Variants in GNPAT observed in about 807,000 individuals in gnomAD.
GNPAT encodes dihydroxyacetone phosphate acyltransferase.
A neutral mutation model predicts 78.4 loss-of-function variants in GNPAT; 30 were observed. The ratio of observed to expected loss-of-function variants is 0.38; its 90% CI spans 0.29 to 0.52. The LOEUF is 0.52. GNPAT is among the 20% of genes least tolerant of loss of function. The pLI, the probability that GNPAT is intolerant of heterozygous loss-of-function variation, is 0.84. For missense variants in GNPAT, 714 were observed against 812.2 expected (o/e 0.88, Z 1.47); for synonymous variants, 271 against 281.1 (o/e 0.96, Z 0.36).
At chr1:231,249,456 T>G (rs1450077393) in intron 1 of GNPAT, among the ~76,000 whole-genome samples, 1 of 152,248 alleles carries the variant, frequency 6.6e-6, no homozygotes, top group African/African-American at 2.4e-5. Context: ...CATTTCATCT[T>G]TCAGTTATTG....
Position 231,259,181 on chromosome 1 carries a change from A to G in GNPAT, c.262-1326A>G, listed in dbSNP as rs142888710. ...ACTTTTTTTTTTTTTTGGCACAATCACTGTTTCAGGTAACCTGAGTAAAAC... is the reference window on the plus strand; with the variant it reads ...ACTTTTTTTTTTTTTTGGCACAATCGCTGTTTCAGGTAACCTGAGTAAAAC... On this transcript the variant is annotated intron_variant, in intron 2 of 15. Transcript: ENST00000366647. Among the ~76,000 whole-genome samples the G allele has an allele frequency of 8.4e-3, 1,239 of 148,224 alleles. 13 individuals carry two copies. Among genetic ancestry groups the G allele is most frequent in the Non-Finnish European group, 0.012 (777 of 67,366 alleles).
At chr1:231,243,854 T>C (rs1376837445) in intron 1 of GNPAT, among the ~76,000 whole-genome samples, 1 of 152,126 alleles carries the variant, frequency 6.6e-6, no homozygotes, top group Non-Finnish European at 1.5e-5. Context: ...GAGATTTTAA[T>C]CTTACATCTA....
intron 10 of GNPAT, 56 bp from the exon 11 acceptor site, chr1:231,272,256 C>T (rs774404157): frequency 1.3e-5 from 11 of 866,078 alleles, no homozygotes; most frequent in Non-Finnish European, 2.2e-5. Flanking sequence ...CTTCCTGGTA[C>T]TCCCTTAAAG....
rs1198586649 is a variant in GNPAT, at chr1:231,270,892, C to T, written c.1414C>T (p.His472Tyr). ...SEVVDGLMLQ[H>Y]ITLLMCSAYR... ...AGTGGTCGATGGGCTTATGCTCCAG[C>T]ACATCACTCTCCTCATGTGCTCAGC... Residue 472 changes from histidine (H) to tyrosine (Y), a missense_variant, in exon 10 of 16, where the codon CAC becomes TAC. Transcript: ENST00000366647. 1 of 1,614,190 alleles carries T rather than the reference C, an allele frequency of 6.2e-7. No homozygotes were observed. The highest frequency in any genetic ancestry group is 1.3e-5 in the African/African-American group (1 of 75,044).
intron 2 of GNPAT, among the ~76,000 whole-genome samples, chr1:231,252,541 C>T (rs1188996100): frequency 6.6e-6 from 1 of 152,140 alleles, no homozygotes; most frequent in Admixed American, 6.5e-5. Flanking sequence ...TAGCCTGGGG[C>T]TTGGTCCCGC....
Position 231,241,273 on chromosome 1 carries a change from C to A in GNPAT, c.-106C>A. The A allele has an allele frequency of 7.0e-7, 1 of 1,423,984 alleles. No homozygotes were observed. The highest frequency in any genetic ancestry group is 1.1e-5 in the South Asian group (1 of 87,364). The allele number at this position is 1,423,984 out of a possible 1,614,324, so 88.2% of individuals were successfully genotyped here. A position where few individuals can be genotyped will look rare whatever the true frequency, so the allele number is the denominator to read the frequency against. ...GTAGCGGCTGCAGAGGGTGCCGCCG[C>A]CCTAGGCGAAGTAGGGCCGTCCTGA... On this transcript the variant is annotated 5_prime_UTR_variant, in exon 1 of 16. Coordinates refer to ENST00000366647, the MANE Select transcript of GNPAT (RefSeq NM_014236.4).
Position 231,243,046 on chromosome 1 carries a change from C to T in GNPAT, c.78+1590C>T, listed in dbSNP as rs575517745. On this transcript the variant is annotated intron_variant, in intron 1 of 15. Coordinates refer to ENST00000366647, the MANE Select transcript of GNPAT (RefSeq NM_014236.4). ...TAGCACTTTAGAAGCGTAGAAGATA[C>T]TGCTGATTGCAGCAAACATTAGGAA... 2.6e-5 allele frequency among the ~76,000 whole-genome samples: 4 copies of T among 152,378 alleles called. No homozygotes were observed. The South Asian group carries it at 8.3e-4, about 32-fold the overall frequency.
chr1:231,276,808 C>T (rs926500277), intron 15 of GNPAT, among the ~76,000 whole-genome samples: 90 of 152,166 alleles, frequency 5.9e-4, no homozygotes, highest in African/African-American at 2.1e-3. Context: ...ATGATGCGGC[C>T]ATTTTAGAAA....
Position 231,267,747 on chromosome 1 carries a change from C to T in GNPAT, c.1123C>T (p.Leu375Phe). ...CACTGAAGTTGCCTACAAAATGGAGCTTCTGCAAATTGAAAACATGGTTTT... is the reference window on the plus strand; with the variant it reads ...CACTGAAGTTGCCTACAAAATGGAGTTTCTGCAAATTGAAAACATGGTTTT... ...FVTEVAYKMELLQIENMVLSP... is the reference protein window; with the variant it reads ...FVTEVAYKMEFLQIENMVLSP... Residue 375 changes from leucine (L) to phenylalanine (F), a missense_variant, in exon 9 of 16, where the codon CTT becomes TTT. Coordinates refer to ENST00000366647, the MANE Select transcript of GNPAT (RefSeq NM_014236.4). 1 of 1,612,826 alleles carries T rather than the reference C, an allele frequency of 6.2e-7. No individual in the cohort carries two copies. Among genetic ancestry groups the T allele is most frequent in the Non-Finnish European group, 8.5e-7 (1 of 1,178,840 alleles).
Position 231,262,824 on chromosome 1 carries a change from G to T in GNPAT, c.540G>T (p.Leu180Phe). ...CTTTTCTTCTATACAATTATGATTT[G>T]CCTGTGCCAGTTATAGCAGCAGGAA... Reference protein sequence around the residue: ...MLSFLLYNYDLPVPVIAAGMD... With the variant: ...MLSFLLYNYDFPVPVIAAGMD... The change falls in exon 4 of 16, where the codon TTG becomes TTT. Residue 180 changes from leucine to phenylalanine, a missense_variant. By Grantham distance (22) the Leu-to-Phe change is conservative (BLOSUM62 0). Transcript: ENST00000366647. 6.2e-7 allele frequency: 1 copy of T among 1,611,904 alleles called. No individual in the cohort carries two copies. The highest frequency in any genetic ancestry group is 8.5e-7 in the Non-Finnish European group (1 of 1,178,078).
intron 1 of GNPAT, among the ~76,000 whole-genome samples, chr1:231,249,607 A>G (rs781441235): frequency 6.6e-6 from 1 of 152,222 alleles, no homozygotes; most frequent in Non-Finnish European, 1.5e-5. Flanking sequence ...GTGTTGTGGG[A>G]TACATACCAT....
At chr1:231,253,498 C>A (rs569850545) in intron 2 of GNPAT, among the ~76,000 whole-genome samples, 16 of 152,294 alleles carry the variant, frequency 1.1e-4, no homozygotes, top group African/African-American at 3.6e-4. Flanking sequence ...GGAGTTTATT[C>A]AGGTTTGTGG....
At chr1:231,263,328 C>T (rs746283492) in intron 4 of GNPAT, among the ~76,000 whole-genome samples, 1 of 152,154 alleles carries the variant, frequency 6.6e-6, no homozygotes, top group Admixed American at 6.5e-5. Context: ...CTTCATCTTG[C>T]AAAACTGAAA....
At chr1:231,274,146 G>A (rs1400912697) in intron 12 of GNPAT, 84 bp downstream of exon 12, 3 of 1,208,236 alleles carry the variant, frequency 2.5e-6, no homozygotes, top group Middle Eastern at 1.9e-4. Context: ...TTTCCAGTCT[G>A]AAGGGCAGGT....
chr1:231,257,099 C>T (rs1284850213), intron 2 of GNPAT, among the ~76,000 whole-genome samples: 1 of 152,188 alleles, frequency 6.6e-6, no homozygotes, highest in Admixed American at 6.5e-5. Context: ...AGTAAGAGAT[C>T]AGTTGTCTTC....
intron 12 of GNPAT, 64 bp from the exon 13 acceptor site, chr1:231,275,157 A>G (rs1374464970): frequency 9.9e-6 from 9 of 906,012 alleles, no homozygotes; most frequent in Middle Eastern, 2.1e-4. Flanking sequence ...GTTATTTACT[A>G]TTCTGTTGAA....
intron 10 of GNPAT, 54 bp downstream of exon 10, chr1:231,271,054 C>A: frequency 6.3e-7 from 1 of 1,586,384 alleles, no homozygotes. Context: ...CCATTCCATT[C>A]CATTTAGGGA....
chr1:231,253,514 G>A (rs1267174576), intron 2 of GNPAT, among the ~76,000 whole-genome samples: 1 of 152,130 alleles, frequency 6.6e-6, no homozygotes, highest in Non-Finnish European at 1.5e-5. Context: ...TGTGGCCTTG[G>A]GAACATTTTT....
intron 1 of GNPAT, among the ~76,000 whole-genome samples, chr1:231,245,003 T>G (rs1684711358): frequency 6.6e-6 from 1 of 152,242 alleles, no homozygotes; most frequent in African/African-American, 2.4e-5. Context: ...CCTGGCCTTC[T>G]GTTTCTCAGA....
Sources: allele counts gnomAD v4.1 joint callset (sites outside exome capture counted in the v4.1 genomes callset), GRCh38; gene constraint gnomAD v4.1.1; transcripts MANE v1.5; gene names NCBI Gene and HGNC (gene_info 2026-07-23, HGNC 2026-07-21).